The following BACH2 variants were observed in gnomAD, a reference collection of about 807,000 sequenced individuals.
BACH2 encodes BACH transcriptional regulator 2.
A neutral mutation model predicts 61.8 loss-of-function variants in BACH2; 5 were observed. That is an observed-to-expected ratio of 0.08 (90% CI 0.04 to 0.17). The LOEUF (loss-of-function observed/expected upper bound fraction) is 0.17. Among genes scored for constraint, BACH2 ranks in the 10% least tolerant of loss-of-function variants. The pLI is 1.00. For missense variants in BACH2, 824 were observed against 1,091.1 expected, an observed-to-expected ratio of 0.76 and a Z score of 3.45; for synonymous variants, 446 against 440.1, an observed-to-expected ratio of 1.01 and a Z score of -0.17.
chr6:90,048,580 T>C (rs1194786144), intron 5 of BACH2, among the ~76,000 whole-genome samples: 1 of 152,230 alleles, frequency 6.6e-6, no homozygotes, highest in East Asian at 1.9e-4. Flanking sequence ...AGAAATATAA[T>C]GGTTTCTTGG....
intron 3 of BACH2, among the ~76,000 whole-genome samples, chr6:90,242,790 C>T (rs1418449901): frequency 1.3e-5 from 2 of 152,076 alleles, no homozygotes; most frequent in Non-Finnish European, 2.9e-5. Flanking sequence ...GGACAGTTAA[C>T]TTTCAGGTTC....
intron 5 of BACH2, among the ~76,000 whole-genome samples, chr6:90,070,419 T>C (rs1350452513): frequency 6.6e-6 from 1 of 152,102 alleles, no homozygotes; most frequent in Non-Finnish European, 1.5e-5. Flanking sequence ...TTCCCTTCTT[T>C]TCACCCCATC....
At chr6:90,131,779 G>A (rs1408918179) in intron 4 of BACH2, among the ~76,000 whole-genome samples, 1 of 152,150 alleles carries the variant, frequency 6.6e-6, no homozygotes, top group Admixed American at 6.5e-5. Context: ...CATAAGAAAG[G>A]GAACCCAAAT....
intron 7 of BACH2, among the ~76,000 whole-genome samples, chr6:89,939,609 G>A (rs182214546): frequency 2.6e-5 from 4 of 151,364 alleles, no homozygotes; most frequent in Non-Finnish European, 2.9e-5. Context: ...GTCTCCTGAA[G>A]GATGGGTTTG....
intron 6 of BACH2, among the ~76,000 whole-genome samples, chr6:89,995,372 C>T (rs942967029): frequency 2.0e-5 from 3 of 152,018 alleles, no homozygotes; most frequent in Non-Finnish European, 4.4e-5. Context: ...CAAATCATAC[C>T]GACTACGCCA....
chr6:90,096,118 G>A (rs1051862387), intron 4 of BACH2, among the ~76,000 whole-genome samples: 1 of 152,170 alleles, frequency 6.6e-6, no homozygotes, highest in African/African-American at 2.4e-5. Context: ...AAGGCTGCAG[G>A]TCCCACAGCA....
intron 2 of BACH2, among the ~76,000 whole-genome samples, chr6:90,260,679 C>A (rs1044426847): frequency 6.6e-6 from 1 of 152,330 alleles, no homozygotes; most frequent in South Asian, 2.1e-4. Context: ...TAATAATATA[C>A]ACATTTCGAC....
chr6:90,012,391 AG>A (rs1177444282), intron 5 of BACH2, among the ~76,000 whole-genome samples: 1 of 151,990 alleles, frequency 6.6e-6, no homozygotes, highest in Non-Finnish European at 1.5e-5. Context: ...AGACTTTGGG[AG>A]GCTGAGGCAG....
chr6:90,284,961 T>C (rs1054537197), intron 1 of BACH2, among the ~76,000 whole-genome samples: 2 of 152,190 alleles, frequency 1.3e-5, no homozygotes, highest in Non-Finnish European at 1.5e-5. Context: ...AGAATGCTTA[T>C]TGAAACTTAA....
At chr6:90,118,666 G>T (rs1264418705) in intron 4 of BACH2, among the ~76,000 whole-genome samples, 2 of 152,160 alleles carry the variant, frequency 1.3e-5, no homozygotes, top group East Asian at 3.9e-4. Flanking sequence ...CCTTAGTCAT[G>T]GAAAGACCAA....
chr6:90,093,233 TTGTC>T (rs1562438879), intron 4 of BACH2, among the ~76,000 whole-genome samples: 2 of 152,182 alleles, frequency 1.3e-5, no homozygotes, highest in African/African-American at 2.4e-5. Context: ...TTACTGTTGT[TTGTC>T]TATCAGTCTC....
chr6:90,175,583 G>T (rs936854729), intron 4 of BACH2, among the ~76,000 whole-genome samples: 7 of 151,982 alleles, frequency 4.6e-5, no homozygotes, highest in Non-Finnish European at 1.0e-4. Context: ...TTGGGGCGGT[G>T]GGGGGTGAGT....
intron 6 of BACH2, among the ~76,000 whole-genome samples, chr6:89,977,866 C>A (rs1035184121): frequency 6.6e-6 from 1 of 152,160 alleles, no homozygotes; most frequent in African/African-American, 2.4e-5. Flanking sequence ...CTGTCCTGTA[C>A]GAAGACTGTT....
intron 3 of BACH2, among the ~76,000 whole-genome samples, chr6:90,214,067 AAAC>A (rs1461908339): frequency 2.0e-5 from 3 of 152,206 alleles, no homozygotes; most frequent in Admixed American, 6.5e-5. Context: ...AAAAAAAACT[AAAC>A]AAAAGAGATT....
chr6:90,112,846 C>T (rs1783234441), intron 4 of BACH2, among the ~76,000 whole-genome samples: 1 of 152,082 alleles, frequency 6.6e-6, no homozygotes, highest in Non-Finnish European at 1.5e-5. Context: ...GGTATGTGGT[C>T]TTCAAGAGAC....
intron 4 of BACH2, among the ~76,000 whole-genome samples, chr6:90,158,347 T>C (rs2501715): frequency 6.6e-6 from 1 of 152,192 alleles, no homozygotes; most frequent in African/African-American, 2.4e-5. Context: ...AGTGTGACTA[T>C]CAAATGGCCA....
intron 5 of BACH2, among the ~76,000 whole-genome samples, chr6:90,043,634 T>C (rs1446298609): frequency 6.6e-6 from 1 of 152,106 alleles, no homozygotes; most frequent in Non-Finnish European, 1.5e-5. Flanking sequence ...CTCCCATAAG[T>C]TGGTTATATT....
At chr6:90,272,185 TC>T (rs1445712810) in intron 1 of BACH2, among the ~76,000 whole-genome samples, 1 of 152,118 alleles carries the variant, frequency 6.6e-6, no homozygotes, top group Non-Finnish European at 1.5e-5. Context: ...ATGGCCTTCT[TC>T]CGTGTCAAAT....
intron 4 of BACH2, among the ~76,000 whole-genome samples, chr6:90,110,382 C>T (rs1783115916): frequency 6.6e-6 from 1 of 152,150 alleles, no homozygotes; most frequent in Admixed American, 6.5e-5. Flanking sequence ...GGATTTTTCA[C>T]CTGTGCATAA....
Sources: allele counts gnomAD v4.1 joint callset (sites outside exome capture counted in the v4.1 genomes callset), GRCh38; gene constraint gnomAD v4.1.1; transcripts MANE v1.5; gene names NCBI Gene and HGNC (gene_info 2026-07-23, HGNC 2026-07-21).